The following SGCZ variants were observed in gnomAD, a reference collection of about 807,000 sequenced individuals.
SGCZ encodes sarcoglycan zeta, also known as zeta-sarcoglycan.
A neutral mutation model predicts 41.3 loss-of-function variants in SGCZ; 40 were observed. The observed-to-expected ratio is 0.97, with a 90% CI of 0.75 to 1.26. The LOEUF (loss-of-function observed/expected upper bound fraction) is 1.26, where lower values mean the gene tolerates loss of function less well. SGCZ is among the 50% of genes most tolerant of loss of function. The pLI, the probability that SGCZ is intolerant of heterozygous loss-of-function variation, is 0.00. For missense variants in SGCZ, 552 were observed against 369.8 expected (o/e 1.49, Z -4.04); for synonymous variants, 206 against 137.5 (o/e 1.50, Z -3.49).
intron 1 of SGCZ, among the ~76,000 whole-genome samples, chr8:14,667,918 C>T (rs11991362): frequency 0.34 from 51,206 of 151,922 alleles, 11,092 homozygotes; most frequent in African/African-American, 0.62. Flanking sequence ...ACAAATACTT[C>T]AATGAAAATT....
intron 1 of SGCZ, among the ~76,000 whole-genome samples, chr8:15,065,981 G>T (rs1364832638): frequency 2.0e-5 from 3 of 152,144 alleles, no homozygotes; most frequent in Non-Finnish European, 2.9e-5. Flanking sequence ...AACTGTTAGT[G>T]ACTTTATTCT....
At chr8:14,995,432 G>A (rs1802181678) in intron 1 of SGCZ, among the ~76,000 whole-genome samples, 1 of 152,158 alleles carries the variant, frequency 6.6e-6, no homozygotes. Context: ...TTTCCCAGAT[G>A]GTTGCAGGTT....
intron 1 of SGCZ, among the ~76,000 whole-genome samples, chr8:14,891,934 G>T (rs1257218059): frequency 6.6e-6 from 1 of 152,154 alleles, no homozygotes; most frequent in Non-Finnish European, 1.5e-5. Context: ...ATTATGGTAT[G>T]TATATGTTTA....
chr8:14,717,998 T>TATATATATATAG (rs1563222451), intron 1 of SGCZ, among the ~76,000 whole-genome samples: 1 of 149,834 alleles, frequency 6.7e-6, no homozygotes, highest in African/African-American at 2.5e-5. Flanking sequence ...TAAAATAAGA[T>TATATATATATAG]ATATATATAT....
At chr8:14,751,951 A>AAAC (rs1459557604) in intron 1 of SGCZ, among the ~76,000 whole-genome samples, 1 of 90,672 alleles carries the variant, frequency 1.1e-5, no homozygotes, top group East Asian at 2.7e-4. Flanking sequence ...AAAAACAAAC[A>AAAC]AAAAAAAAAA....
chr8:15,172,817 A>G (rs528146120), intron 1 of SGCZ, among the ~76,000 whole-genome samples: 8 of 152,316 alleles, frequency 5.3e-5, no homozygotes, highest in Admixed American at 2.6e-4. Flanking sequence ...GCAATACCAC[A>G]AACAAGATTT....
At chr8:14,289,662 A>G (rs955708476) in intron 3 of SGCZ, among the ~76,000 whole-genome samples, 2 of 152,032 alleles carry the variant, frequency 1.3e-5, no homozygotes, top group African/African-American at 4.8e-5. Context: ...AAACTCACAC[A>G]TTTATAGCCA....
At chr8:14,801,109 C>T (rs1366986530) in intron 1 of SGCZ, among the ~76,000 whole-genome samples, 1 of 152,140 alleles carries the variant, frequency 6.6e-6, no homozygotes, top group Admixed American at 6.5e-5. Context: ...TTCCTTCCAG[C>T]CAATCTACAA....
intron 2 of SGCZ, among the ~76,000 whole-genome samples, chr8:14,489,724 C>G (rs1801786315): frequency 6.6e-6 from 1 of 152,036 alleles, no homozygotes; most frequent in East Asian, 1.9e-4. Context: ...TTTAGCTCCC[C>G]TATCTCCCAG....
At chr8:14,464,798 A>G (rs73519369) in intron 2 of SGCZ, among the ~76,000 whole-genome samples, 1 of 150,534 alleles carries the variant, frequency 6.6e-6, no homozygotes, top group Admixed American at 6.6e-5. Flanking sequence ...ATTTCCATTC[A>G]CCTCTAAATA....
At chr8:15,086,536 A>G (rs925438119) in intron 1 of SGCZ, among the ~76,000 whole-genome samples, 1 of 152,166 alleles carries the variant, frequency 6.6e-6, no homozygotes, top group African/African-American at 2.4e-5. Flanking sequence ...CCACAATGCA[A>G]TATTTGAAGT....
At chr8:14,504,607 T>C (rs1802251207) in intron 2 of SGCZ, among the ~76,000 whole-genome samples, 1 of 152,226 alleles carries the variant, frequency 6.6e-6, no homozygotes, top group Non-Finnish European at 1.5e-5. Flanking sequence ...CTTTGTTTTT[T>C]CTGTTCTTTT....
chr8:14,968,409 C>G (rs1308578283), intron 1 of SGCZ, among the ~76,000 whole-genome samples: 2 of 152,062 alleles, frequency 1.3e-5, no homozygotes, highest in African/African-American at 4.8e-5. Flanking sequence ...TCAGGATTTG[C>G]TATAAACCAG....
chr8:14,708,035 T>C (rs1809387096), intron 1 of SGCZ, among the ~76,000 whole-genome samples: 1 of 152,040 alleles, frequency 6.6e-6, no homozygotes, highest in South Asian at 2.1e-4. Context: ...AAAATAATAT[T>C]TGTTATATTA....
chr8:14,195,181 G>T (rs1052068869), intron 4 of SGCZ, among the ~76,000 whole-genome samples: 12 of 151,992 alleles, frequency 7.9e-5, no homozygotes, highest in African/African-American at 2.9e-4. Context: ...TGCATAAATG[G>T]ACATTAAAAA....
chr8:14,875,589 A>G (rs1450453618), intron 1 of SGCZ, among the ~76,000 whole-genome samples: 1 of 152,106 alleles, frequency 6.6e-6, no homozygotes, highest in Non-Finnish European at 1.5e-5. Context: ...AATACTAAGA[A>G]AAGCACTGTA....
chr8:15,002,116 C>G (rs1214339500), intron 1 of SGCZ, among the ~76,000 whole-genome samples: 1 of 151,168 alleles, frequency 6.6e-6, no homozygotes, highest in African/African-American at 2.4e-5. Context: ...AAGTAAGACA[C>G]ATAGAGATGT....
At chr8:14,232,862 A>G (rs2117154147) in intron 4 of SGCZ, among the ~76,000 whole-genome samples, 1 of 152,230 alleles carries the variant, frequency 6.6e-6, no homozygotes, top group Admixed American at 6.5e-5. Context: ...TTTAAAGCAT[A>G]AGACTGTGGT....
At chr8:15,115,217 C>T (rs547183661) in intron 1 of SGCZ, among the ~76,000 whole-genome samples, 38 of 152,230 alleles carry the variant, frequency 2.5e-4, no homozygotes, top group African/African-American at 4.1e-4. Context: ...ACATGCCTTC[C>T]GAGCTATCAA....
Sources: allele counts gnomAD v4.1 joint callset (sites outside exome capture counted in the v4.1 genomes callset), GRCh38; gene constraint gnomAD v4.1.1; transcripts MANE v1.5; gene names NCBI Gene and HGNC (gene_info 2026-07-23, HGNC 2026-07-21).